Variants in RFX3 observed in about 807,000 individuals in gnomAD.
The protein encoded by RFX3 is transcription factor RFX3.
In RFX3, 14 loss-of-function variants were observed where a neutral mutation model predicts 98.6. The observed-to-expected ratio is 0.14, with a 90% CI of 0.09 to 0.22. The LOEUF is 0.22. RFX3 is among the 10% of genes least tolerant of loss of function. The pLI is 1.00. For synonymous variants in RFX3, 383 were observed against 328.4 expected (o/e 1.17, Z -1.80); for missense variants, 639 against 926.9 (o/e 0.69, Z 4.03).
chr9:3,429,633 TCTTATATTCTGG>T (rs1358576642), intron 1 of RFX3, among the ~76,000 whole-genome samples: 2 of 152,126 alleles, frequency 1.3e-5, no homozygotes, highest in Admixed American at 6.5e-5. Flanking sequence ...CCCATTTCCG[TCTTATATTCTGG>T]CTTGCCTGAA....
intron 1 of RFX3, among the ~76,000 whole-genome samples, chr9:3,411,892 A>G (rs1842496615): frequency 6.6e-6 from 1 of 152,078 alleles, no homozygotes; most frequent in Non-Finnish European, 1.5e-5. Context: ...AATACTCTAC[A>G]TATATAAGCT....
At chr9:3,265,794 GGATAT>G (rs1823557226) in intron 12 of RFX3, among the ~76,000 whole-genome samples, 2 of 152,034 alleles carry the variant, frequency 1.3e-5, no homozygotes, top group Admixed American at 6.6e-5. Flanking sequence ...GAACTTTTCA[GGATAT>G]GATAAGTATA....
intron 4 of RFX3, among the ~76,000 whole-genome samples, chr9:3,321,539 T>C (rs1831322505): frequency 6.6e-6 from 1 of 152,208 alleles, no homozygotes; most frequent in South Asian, 2.1e-4. Flanking sequence ...TTCTTGTACT[T>C]GCTCTGTTTT....
intron 1 of RFX3, among the ~76,000 whole-genome samples, chr9:3,434,917 T>G (rs1844980142): frequency 6.6e-6 from 1 of 152,092 alleles, no homozygotes; most frequent in African/African-American, 2.4e-5. Flanking sequence ...TATAGCCTAT[T>G]GCTCCTAGGC....
chr9:3,404,313 A>C lies in RFX3; in HGVS notation c.-8-8717T>G, dbSNP rs140214834. Among the ~76,000 whole-genome samples the C allele has an allele frequency of 1.1e-3, 174 of 152,274 alleles. 1 individual carries two copies. The highest frequency in any genetic ancestry group is 3.9e-3 in the African/African-American group (163 of 41,574). ...TGTATATGTATATACACTTGGAATA[A>C]AGACTTGGCCAAAGGAGAAAAATGT... On this transcript the variant is annotated intron_variant, in intron 1 of 16. Transcript: ENST00000617270.
At chr9:3,235,921 G>C (rs1307700151) in intron 15 of RFX3, among the ~76,000 whole-genome samples, 1 of 152,124 alleles carries the variant, frequency 6.6e-6, no homozygotes, top group Non-Finnish European at 1.5e-5. Context: ...TTAAGATGTA[G>C]ACATTTTAAT....
chr9:3,236,522 A>G (rs1018918196), intron 15 of RFX3, among the ~76,000 whole-genome samples: 2 of 152,204 alleles, frequency 1.3e-5, no homozygotes, highest in African/African-American at 4.8e-5. Context: ...CAGCTGCACC[A>G]CAAGCAGCCC....
At chr9:3,441,016 G>C (rs1845560901) in intron 1 of RFX3, among the ~76,000 whole-genome samples, 1 of 152,130 alleles carries the variant, frequency 6.6e-6, no homozygotes, top group African/African-American at 2.4e-5. Flanking sequence ...GGAACAAATG[G>C]ATATCCATAT....
chr9:3,499,720 G>C (rs1815768661), intron 1 of RFX3, among the ~76,000 whole-genome samples: 1 of 151,980 alleles, frequency 6.6e-6, no homozygotes, highest in African/African-American at 2.4e-5. Flanking sequence ...GATATTTGGA[G>C]ACCAAGATAA....
At chr9:3,305,710 A>C (rs1240690349) in intron 4 of RFX3, among the ~76,000 whole-genome samples, 1 of 152,066 alleles carries the variant, frequency 6.6e-6, no homozygotes, top group African/African-American at 2.4e-5. Context: ...AGTTTTATGC[A>C]TATGGGGAGA....
intron 1 of RFX3, among the ~76,000 whole-genome samples, chr9:3,508,590 T>C (rs138198037): frequency 6.6e-6 from 1 of 151,962 alleles, no homozygotes; most frequent in African/African-American, 2.4e-5. Context: ...TAATATTTCA[T>C]CATACTTTCG....
intron 5 of RFX3, among the ~76,000 whole-genome samples, chr9:3,300,547 G>GA (rs942724208): frequency 1.3e-5 from 2 of 151,450 alleles, no homozygotes; most frequent in African/African-American, 2.4e-5. Flanking sequence ...TAGGTTTATT[G>GA]AAAAAAATGG....
At chr9:3,376,294 A>G (rs1838484013) in intron 2 of RFX3, among the ~76,000 whole-genome samples, 1 of 152,146 alleles carries the variant, frequency 6.6e-6, no homozygotes, top group South Asian at 2.1e-4. Flanking sequence ...TATACGGTTC[A>G]ACAAACAATT....
At chr9:3,414,854 A>G (rs986704637) in intron 1 of RFX3, among the ~76,000 whole-genome samples, 2 of 139,014 alleles carry the variant, frequency 1.4e-5, no homozygotes, top group African/African-American at 5.4e-5. Context: ...ATAAGTATAT[A>G]TGAGTATATA....
At chr9:3,321,309 G>A (rs981165678) in intron 4 of RFX3, among the ~76,000 whole-genome samples, 1 of 152,136 alleles carries the variant, frequency 6.6e-6, no homozygotes, top group Admixed American at 6.5e-5. Flanking sequence ...GAAGCACACT[G>A]ACTGAGTCAG....
intron 2 of RFX3, among the ~76,000 whole-genome samples, chr9:3,360,453 T>C (rs758314551): frequency 1.3e-5 from 2 of 152,230 alleles, no homozygotes; most frequent in East Asian, 1.9e-4. Context: ...CATCAGTATG[T>C]TGGCAGCAAT....
chr9:3,420,678 A>G (rs1843368651), intron 1 of RFX3: 2 of 554,252 alleles, frequency 3.6e-6, no homozygotes, highest in Non-Finnish European at 4.6e-6. Flanking sequence ...AGAGGAGTAA[A>G]TTTTAAGAGG....
intron 1 of RFX3, among the ~76,000 whole-genome samples, chr9:3,520,498 A>G: frequency 6.6e-6 from 1 of 152,178 alleles, no homozygotes; most frequent in East Asian, 1.9e-4. Context: ...TGGATTCAGT[A>G]TTCTCCTAAA....
chr9:3,344,298 A>G (rs376041661), intron 3 of RFX3, among the ~76,000 whole-genome samples: 30 of 152,314 alleles, frequency 2.0e-4, no homozygotes, highest in African/African-American at 6.5e-4. Flanking sequence ...GCTTGGAACA[A>G]GCAGTGTTTC....
Sources: allele counts gnomAD v4.1 joint callset (sites outside exome capture counted in the v4.1 genomes callset), GRCh38; gene constraint gnomAD v4.1.1; transcripts MANE v1.5; gene names NCBI Gene and HGNC (gene_info 2026-07-23, HGNC 2026-07-21).